GGA2: variants seen among roughly 807,000 people sequenced by gnomAD.
GGA2 encodes ADP-ribosylation factor-binding protein GGA2.
GGA2 carries 48 observed loss-of-function variants against 79.5 expected under a neutral mutation model. The ratio of observed to expected loss-of-function variants is 0.60; its 90% CI spans 0.48 to 0.77. The LOEUF is 0.77. Ranked by LOEUF, GGA2 falls within the 30% of genes least tolerant of loss-of-function variation. The probability of loss-of-function intolerance (pLI) is 0.00; values close to 1 mark genes in which losing one functional copy is unlikely to be tolerated. For synonymous variants in GGA2, 317 were observed against 302.0 expected, an observed-to-expected ratio of 1.05 and a Z score of -0.51; for missense variants, 770 against 774.0, an observed-to-expected ratio of 0.99 and a Z score of 0.06.
intron 1 of GGA2, among the ~76,000 whole-genome samples, chr16:23,508,063 C>CT (rs397855668): frequency 0.027 from 3,736 of 138,412 alleles, 64 homozygotes; most frequent in African/African-American, 0.033. Context: ...ACTCCGGCTA[C>CT]TTTTTTTTTT....
intron 9 of GGA2, among the ~76,000 whole-genome samples, chr16:23,482,460 G>A (rs1173486514): frequency 1.3e-5 from 2 of 152,104 alleles, no homozygotes; most frequent in Non-Finnish European, 2.9e-5. Flanking sequence ...ACAATAAAGA[G>A]TTAAAATTCT....
intron 8 of GGA2, among the ~76,000 whole-genome samples, chr16:23,485,773 C>A (rs1964703652): frequency 6.6e-6 from 1 of 152,174 alleles, no homozygotes; most frequent in Admixed American, 6.5e-5. Context: ...TGCATCATTC[C>A]ATTTATACAA....
chr16:23,491,579 G>T, intron 5 of GGA2, 98 bp downstream of exon 5: 5 of 902,880 alleles, frequency 5.5e-6, no homozygotes, highest in African/African-American at 1.7e-5. Flanking sequence ...TCCTACATAA[G>T]AAGTACAGCT....
At chr16:23,523,554 A>C (rs957785655), upstream of GGA2, 1 of 152,296 alleles carries the variant, frequency 6.6e-6, no homozygotes, top group Middle Eastern at 3.4e-3. Context: ...ACCCCAAAGA[A>C]AGTCTGGTGT....
chr16:23,481,005 G>C (rs1010218221), intron 9 of GGA2, among the ~76,000 whole-genome samples: 3 of 152,202 alleles, frequency 2.0e-5, no homozygotes, highest in Admixed American at 1.3e-4. Flanking sequence ...TTCTACACCT[G>C]TACTGTCCAG....
chr16:23,502,061 C>G (rs1964927445), intron 1 of GGA2, among the ~76,000 whole-genome samples: 1 of 152,206 alleles, frequency 6.6e-6, no homozygotes, highest in Non-Finnish European at 1.5e-5. Context: ...CTGAGCTGAG[C>G]TGGAGTCCAA....
At chr16:23,519,867 T>C (rs1408684918) in intron 1 of GGA2, among the ~76,000 whole-genome samples, 1 of 152,196 alleles carries the variant, frequency 6.6e-6, no homozygotes, top group Admixed American at 6.5e-5. Context: ...TTTCTATGCA[T>C]TGCCACCAAG....
chr16:23,512,418 A>C (rs1965077818), upstream of GGA2, among the ~76,000 whole-genome samples: 1 of 152,158 alleles, frequency 6.6e-6, no homozygotes, highest in Non-Finnish European at 1.5e-5. Flanking sequence ...GTGATTCTGT[A>C]GCTTGGAACT....
chr16:23,515,662 C>A (rs1965098951), intron 2 of GGA2, among the ~76,000 whole-genome samples: 2 of 151,806 alleles, frequency 1.3e-5, no homozygotes. Context: ...GACTAACACA[C>A]AGCTTAAGCT....
At chr16:23,502,977 C>T (rs551340458) in intron 1 of GGA2, among the ~76,000 whole-genome samples, 86 of 152,310 alleles carry the variant, frequency 5.6e-4, no homozygotes, top group Non-Finnish European at 9.7e-4. Context: ...AATCCTAAGA[C>T]GCCCCATGAT....
chr16:23,482,286 A>T (rs1016854866), intron 9 of GGA2, among the ~76,000 whole-genome samples: 3 of 152,112 alleles, frequency 2.0e-5, no homozygotes, highest in Non-Finnish European at 4.4e-5. Flanking sequence ...AAGAAAAAGA[A>T]ATGTCTAGAA....
chr16:23,500,588 A>G (rs1223036521), intron 1 of GGA2, among the ~76,000 whole-genome samples: 2 of 151,404 alleles, frequency 1.3e-5, no homozygotes, highest in African/African-American at 4.9e-5. Context: ...GCGTCAAGCA[A>G]AGGTGCAGGC....
chr16:23,519,639 C>T (rs928419534), exon 2 of GGA2: 7 of 415,986 alleles, frequency 1.7e-5, no homozygotes, highest in East Asian at 9.2e-5. Flanking sequence ...AGAAAGGCAG[C>T]CTGCAGAGGG....
intron 1 of GGA2, among the ~76,000 whole-genome samples, chr16:23,498,887 A>G (rs946445745): frequency 5.9e-5 from 9 of 152,190 alleles, no homozygotes; most frequent in African/African-American, 2.2e-4. Context: ...TGAATCACCT[A>G]AAGTCTACAC....
intron 5 of GGA2, among the ~76,000 whole-genome samples, chr16:23,489,761 G>A (rs989836940): frequency 6.6e-6 from 1 of 152,200 alleles, no homozygotes; most frequent in Non-Finnish European, 1.5e-5. Context: ...CTCTTCTCCA[G>A]AGGCTCACGA....
rs1173092890 is a variant in GGA2, at chr16:23,464,653, T to C, written c.*2937A>G. The C allele has an allele frequency of 1.3e-5, 2 of 152,194 alleles. No individual in the cohort carries two copies. The highest frequency in any genetic ancestry group is 2.4e-5 in the African/African-American group (1 of 41,390). The allele number at this position is 152,194 out of a possible 1,614,324, so 9.4% of individuals were successfully genotyped here. A position where few individuals can be genotyped will look rare whatever the true frequency, so the allele number is the denominator to read the frequency against. On this transcript the variant is annotated 3_prime_UTR_variant, in exon 17 of 17. Transcript: ENST00000309859. ...AACAGGCCAAATGACATGCAACTAC[T>C]CTGCGGATACAGACGAAGCAGGAAT...
At chr16:23,476,257 T>A (rs1490673660) in intron 13 of GGA2, among the ~76,000 whole-genome samples, 1 of 152,120 alleles carries the variant, frequency 6.6e-6, no homozygotes, top group Non-Finnish European at 1.5e-5. Context: ...CTGCAAGAAA[T>A]GACCTCTGGG....
At chr16:23,476,978 G>T (rs898994927) in intron 13 of GGA2, among the ~76,000 whole-genome samples, 12 of 152,118 alleles carry the variant, frequency 7.9e-5, no homozygotes, top group Admixed American at 7.2e-4. Flanking sequence ...TTGAGACAGG[G>T]TCTCACTCTG....
chr16:23,490,923 G>A (rs1221393347), intron 5 of GGA2, among the ~76,000 whole-genome samples: 1 of 152,018 alleles, frequency 6.6e-6, no homozygotes, highest in African/African-American at 2.4e-5. Context: ...TTCAGGAAAA[G>A]AGGTTAAAGA....
Sources: allele counts gnomAD v4.1 joint callset (sites outside exome capture counted in the v4.1 genomes callset), GRCh38; gene constraint gnomAD v4.1.1; transcripts MANE v1.5; gene names NCBI Gene and HGNC (gene_info 2026-07-23, HGNC 2026-07-21).